The following MRC1 variants were observed in gnomAD, a reference collection of about 807,000 sequenced individuals.
MRC1 encodes the protein mannose receptor C-type 1.
Under a neutral mutation model 102.9 loss-of-function variants are expected in MRC1, and 62 were observed. That is an observed-to-expected ratio of 0.60 (90% confidence interval 0.49 to 0.74). MRC1 has a LOEUF of 0.74. Ranked by LOEUF, MRC1 falls within the 30% of genes least tolerant of loss-of-function variation. MRC1 has a pLI of 0.00. For missense variants in MRC1, 1,237 were observed against 862.8 expected, an observed-to-expected ratio of 1.43 and a Z score of -5.43; for synonymous variants, 457 against 298.4, an observed-to-expected ratio of 1.53 and a Z score of -5.48.
At chr10:17,824,384 C>A (rs2130593686) in intron 2 of MRC1, among the ~76,000 whole-genome samples, 1 of 152,222 alleles carries the variant, frequency 6.6e-6, no homozygotes, top group South Asian at 2.1e-4. Context: ...CAAGAGATAA[C>A]CTGTTTCCAA....
At chr10:17,846,641 T>C (rs2130636388) in intron 6 of MRC1, among the ~76,000 whole-genome samples, 1 of 152,318 alleles carries the variant, frequency 6.6e-6, no homozygotes, top group African/African-American at 2.4e-5. Context: ...TATAAACAAA[T>C]ATATTTATAA....
At chr10:17,852,405 T>G (rs946046231) in intron 7 of MRC1, among the ~76,000 whole-genome samples, 16,830 of 152,194 alleles carry the variant, frequency 0.11, 1,099 homozygotes, top group Non-Finnish European at 0.15. Context: ...TATAATTCTT[T>G]CACTATATAG....
intron 24 of MRC1, among the ~76,000 whole-genome samples, 154 bp from the exon 25 acceptor site, chr10:17,900,634 C>T (rs1481291856): frequency 6.6e-6 from 1 of 152,152 alleles, no homozygotes; most frequent in Non-Finnish European, 1.5e-5. Context: ...TTTGAGTTGA[C>T]AGAAATGATT....
At position 17,902,074 on chromosome 10, in the gene MRC1, T is replaced by A; in HGVS notation, c.3751T>A (p.Ser1251Thr). Residue 1251 changes from serine to threonine, a missense_variant, in exon 26 of 30, where the codon TCA becomes ACA. By Grantham distance (58) the Ser-to-Thr change is moderately conservative (BLOSUM62 1). Coordinates refer to ENST00000569591, the MANE Select transcript of MRC1 (RefSeq NM_002438.4). ...FHGHCYYIESSYTRNWGQASL... is the reference protein window; with the variant it reads ...FHGHCYYIESTYTRNWGQASL... The stretch of plus-strand genomic sequence containing the variant: ...TGGTCACTGTTACTATATTGAGTCC[T>A]CATATACAAGAAACTGGGGCCAAGC... The A allele has an allele frequency of 1.3e-6, 1 of 780,818 alleles. No individual in the cohort carries two copies. Among genetic ancestry groups the A allele is most frequent in the Non-Finnish European group, 2.4e-6 (1 of 417,956 alleles). 48.4% of individuals were successfully genotyped at this position (780,818 alleles called of 1,614,324 possible). A position where few individuals can be genotyped will look rare whatever the true frequency, so the allele number is the denominator to read the frequency against.
At chr10:17,829,886 C>T (rs1311095964) in intron 3 of MRC1, among the ~76,000 whole-genome samples, 1 of 151,330 alleles carries the variant, frequency 6.6e-6, no homozygotes, top group Admixed American at 6.6e-5. Flanking sequence ...GTGTTGGAGA[C>T]GTATCTTGAG....
At chr10:17,879,179 G>A (rs1833478511) in intron 18 of MRC1, among the ~76,000 whole-genome samples, 1 of 152,104 alleles carries the variant, frequency 6.6e-6, no homozygotes, top group African/African-American at 2.4e-5. Context: ...TGCGACTAAA[G>A]GTGGTTTCTT....
At chr10:17,887,119 T>A (rs1833608578) in intron 22 of MRC1, among the ~76,000 whole-genome samples, 1 of 152,196 alleles carries the variant, frequency 6.6e-6, no homozygotes, top group Non-Finnish European at 1.5e-5. Flanking sequence ...GCCATTCTTT[T>A]CTTTCTTTAC....
intron 21 of MRC1, among the ~76,000 whole-genome samples, chr10:17,882,388 A>G (rs1833532793): frequency 6.6e-6 from 1 of 151,832 alleles, no homozygotes; most frequent in Admixed American, 6.6e-5. Flanking sequence ...TTACAGAACA[A>G]TGGCTGGTAT....
intron 22 of MRC1, among the ~76,000 whole-genome samples, chr10:17,891,179 ATTT>A (rs1430095620): frequency 7.9e-6 from 1 of 127,096 alleles, no homozygotes; most frequent in Non-Finnish European, 1.8e-5. Context: ...TTATTTATTT[ATTT>A]TTGAGATGGA....
intron 22 of MRC1, among the ~76,000 whole-genome samples, chr10:17,889,350 C>T (rs927171788): frequency 2.0e-5 from 3 of 152,050 alleles, no homozygotes; most frequent in Admixed American, 6.6e-5. Context: ...TCTGGTTTTA[C>T]TTCAATATTT....
chr10:17,843,536 G>T (rs1310662222), intron 5 of MRC1, among the ~76,000 whole-genome samples: 1 of 152,022 alleles, frequency 6.6e-6, no homozygotes, highest in African/African-American at 2.4e-5. Context: ...CATGGTGTGG[G>T]CACTTGTAGT....
intron 3 of MRC1, among the ~76,000 whole-genome samples, chr10:17,831,785 G>T (rs1838577355): frequency 6.6e-6 from 1 of 151,630 alleles, no homozygotes; most frequent in African/African-American, 2.4e-5. Flanking sequence ...CATGAAGCAT[G>T]CCAAAATATT....
At chr10:17,887,479 A>G (rs936445693) in intron 22 of MRC1, among the ~76,000 whole-genome samples, 1 of 152,248 alleles carries the variant, frequency 6.6e-6, no homozygotes, top group East Asian at 1.9e-4. Context: ...CATTCTCATG[A>G]CACCAATGAG....
intron 11 of MRC1, 117 bp from the exon 12 acceptor site, chr10:17,866,445 C>A (rs1589184813): frequency 2.6e-6 from 2 of 773,750 alleles, no homozygotes. Context: ...CCCCCTGCAT[C>A]TGAGATCATA....
intron 22 of MRC1, among the ~76,000 whole-genome samples, chr10:17,893,487 A>G (rs1222423734): frequency 6.6e-6 from 1 of 152,140 alleles, no homozygotes; most frequent in Non-Finnish European, 1.5e-5. Flanking sequence ...AAAATGCCAT[A>G]TTTCAAATTA....
chr10:17,904,446 G>T (rs908060954), intron 26 of MRC1, among the ~76,000 whole-genome samples: 1 of 152,002 alleles, frequency 6.6e-6, no homozygotes, highest in Non-Finnish European at 1.5e-5. Flanking sequence ...TCAGCTCATC[G>T]CTTGCTGGAC....
chr10:17,817,110 T>C (rs879012818), intron 1 of MRC1, among the ~76,000 whole-genome samples: 133 of 151,938 alleles, frequency 8.8e-4, no homozygotes, highest in Non-Finnish European at 1.5e-3. Context: ...TAGCTGGGTG[T>C]GTGGTGGCAC....
In MRC1 at chr10:17,895,230, A is replaced by G. The variant is rs1050741684; in HGVS notation, c.3250+918A>G. ...CCCTTTGTCACAAAAATAAAAACAAAAACAAAAATAAAATAAAATAAAATA... is the reference window on the plus strand; with the variant it reads ...CCCTTTGTCACAAAAATAAAAACAAGAACAAAAATAAAATAAAATAAAATA... On this transcript the variant is annotated intron_variant, in intron 23 of 29. Transcript: ENST00000569591. Among the ~76,000 whole-genome samples the G allele has an allele frequency of 2.0e-4, 30 of 152,228 alleles. 1 individual carries two copies. The highest frequency in any genetic ancestry group is 6.3e-4 in the African/African-American group (26 of 41,558).
At position 17,894,054 on chromosome 10, in the gene MRC1, G is replaced by A. The variant is rs1037029904; in HGVS notation, c.3148-156G>A. Among the ~76,000 whole-genome samples the A allele has an allele frequency of 3.0e-3, 451 of 152,276 alleles. 3 individuals are homozygous for A. The highest frequency in any genetic ancestry group is 0.01 in the African/African-American group (428 of 41,564). On this transcript the variant is annotated intron_variant, in intron 22 of 29. Coordinates refer to ENST00000569591, the MANE Select transcript of MRC1 (RefSeq NM_002438.4). The stretch of plus-strand genomic sequence containing the variant: ...GGATATGCATAGTAGGTAGAGTTGG[G>A]TAGAAAGTAATGATGGATTGAGCAT...
Sources: allele counts gnomAD v4.1 joint callset (sites outside exome capture counted in the v4.1 genomes callset), GRCh38; gene constraint gnomAD v4.1.1; transcripts MANE v1.5; gene names NCBI Gene and HGNC (gene_info 2026-07-23, HGNC 2026-07-21).